Variants in SNX29 observed in about 807,000 individuals in gnomAD.
SNX29 encodes the protein sorting nexin 29, also known as sorting nexin-29.
A neutral mutation model predicts 102.1 loss-of-function variants in SNX29; 78 were observed. The ratio of observed to expected loss-of-function variants is 0.76; its 90% CI spans 0.64 to 0.92. SNX29 has a LOEUF of 0.92. Ranked by LOEUF, SNX29 falls within the 40% of genes least tolerant of loss-of-function variation. The pLI is 0.00. For missense variants in SNX29, 1,280 were observed against 1,061.7 expected, an observed-to-expected ratio of 1.21 and a Z score of -2.86; for synonymous variants, 580 against 414.5, an observed-to-expected ratio of 1.40 and a Z score of -4.85.
chr16:12,317,283 G>A (rs142289133), intron 15 of SNX29, among the ~76,000 whole-genome samples: 12 of 152,262 alleles, frequency 7.9e-5, no homozygotes, highest in African/African-American at 2.9e-4. Context: ...AGGGACCTTC[G>A]CAGGCCCCAG....
intron 20 of SNX29, among the ~76,000 whole-genome samples, chr16:12,565,826 CCCTCCACACCTCTG>C (rs2078979785): frequency 6.6e-6 from 1 of 152,172 alleles, no homozygotes; most frequent in Admixed American, 6.5e-5. Flanking sequence ...CTTCTGGTCA[CCCTCCACACCTCTG>C]CCTCCTCCGG....
chr16:12,380,732 C>A lies in SNX29; in HGVS notation c.1900-17714C>A, dbSNP rs115689360. ...CCATCAATTCCATCCACCCGCCATC[C>A]ATCCATCCATCCACCCACCATCCAT... is the stretch of plus-strand genomic sequence containing the variant. On this transcript the variant is annotated intron_variant, in intron 16 of 20. Coordinates refer to ENST00000566228, the MANE Select transcript of SNX29 (RefSeq NM_032167.5). Among the ~76,000 whole-genome samples, 385 of 67,324 alleles carry A rather than the reference C, an allele frequency of 5.7e-3. 1 individual carries two copies. Among genetic ancestry groups the A allele is most frequent in the Non-Finnish European group, 0.01 (258 of 25,254 alleles). The allele number at this position is 67,324 out of a possible 152,430, so 44.2% of individuals were successfully genotyped here. A position where few individuals can be genotyped will look rare whatever the true frequency, so the allele number is the denominator to read the frequency against.
At chr16:12,522,321 C>T (rs754839239) in intron 19 of SNX29, among the ~76,000 whole-genome samples, 2 of 146,192 alleles carry the variant, frequency 1.4e-5, no homozygotes, top group Admixed American at 6.9e-5. Flanking sequence ...AGTCTGCCAG[C>T]CCTGGCTCAA....
intron 19 of SNX29, among the ~76,000 whole-genome samples, chr16:12,485,754 G>A (rs1199299578): frequency 2.0e-5 from 3 of 152,164 alleles, no homozygotes; most frequent in Non-Finnish European, 4.4e-5. Flanking sequence ...AGTCTTGTAG[G>A]GAGGATGACA....
intron 18 of SNX29, among the ~76,000 whole-genome samples, chr16:12,473,315 T>C (rs554313456): frequency 6.6e-6 from 1 of 152,346 alleles, no homozygotes; most frequent in South Asian, 2.1e-4. Flanking sequence ...TTAATGGCAT[T>C]AGACTAGCTT....
In SNX29 at chr16:12,055,750, ATCTGGT is replaced by A. The variant is rs368843638; in HGVS notation, c.1124+3531_1124+3536del. Among the ~76,000 whole-genome samples the A allele has an allele frequency of 4.2e-3, 644 of 152,314 alleles. 3 individuals are homozygous for A. Among genetic ancestry groups the A allele is most frequent in the African/African-American group, 0.015 (607 of 41,584 alleles). On this transcript the variant is annotated intron_variant, in intron 8 of 20. Transcript: ENST00000566228. ...AAGCCCACCCACATTATGCAGCGTA[ATCTGGT>A]TCACCCAGAATCTACTGATTTAAAT...
rs528798992 is a variant in SNX29 at position 12,306,703 on chromosome 16, C to T, written c.1782+28667C>T. ...AGCACTCCTGCTGCAGCGGCATGGTCTTTGGGGATAATATTCAATATTGCT... is the reference window on the plus strand; with the variant it reads ...AGCACTCCTGCTGCAGCGGCATGGTTTTTGGGGATAATATTCAATATTGCT... On this transcript the variant is annotated intron_variant, in intron 15 of 20. Coordinates refer to ENST00000566228, the MANE Select transcript of SNX29 (RefSeq NM_032167.5). 5.3e-5 allele frequency among the ~76,000 whole-genome samples: 8 copies of T among 152,314 alleles called. No individual in the cohort carries two copies. The East Asian group carries it at 1.5e-3, about 29-fold the overall frequency.
At chr16:12,382,204 A>C (rs2083189891) in intron 16 of SNX29, among the ~76,000 whole-genome samples, 1 of 151,992 alleles carries the variant, frequency 6.6e-6, no homozygotes. Context: ...ACCAAACTCA[A>C]TTTTCATTAC....
At chr16:12,216,520 T>C (rs1310550912) in intron 14 of SNX29, among the ~76,000 whole-genome samples, 1 of 152,218 alleles carries the variant, frequency 6.6e-6, no homozygotes, top group Admixed American at 6.5e-5. Flanking sequence ...TTGATGGGCA[T>C]GCAAGCTGAC....
At chr16:12,210,629 C>T (rs2077158253) in intron 14 of SNX29, among the ~76,000 whole-genome samples, 1 of 152,132 alleles carries the variant, frequency 6.6e-6, no homozygotes. Flanking sequence ...CACCACCTTT[C>T]TGGTCCCCCT....
chr16:12,478,720 C>T (rs1181872114), intron 19 of SNX29, among the ~76,000 whole-genome samples: 1 of 152,200 alleles, frequency 6.6e-6, no homozygotes, highest in Admixed American at 6.6e-5. Flanking sequence ...AGTTCTCTGT[C>T]ATGGCCGTGC....
At chr16:12,159,964 T>C (rs924513884) in intron 13 of SNX29, among the ~76,000 whole-genome samples, 1 of 152,246 alleles carries the variant, frequency 6.6e-6, no homozygotes, top group Non-Finnish European at 1.5e-5. Context: ...ACCAATTTTC[T>C]TTACTGAAAA....
In SNX29 at chr16:12,042,940, C is replaced by G. The variant is rs148440564; in HGVS notation, c.291C>G (p.His97Gln). 13 of 1,613,600 alleles carry G rather than the reference C, an allele frequency of 8.1e-6. No individual in the cohort carries two copies. The highest frequency in any genetic ancestry group is 1.1e-5 in the Non-Finnish European group (13 of 1,179,644). The change falls in exon 5 of 21, where the codon CAC becomes CAG. Residue 97 changes from histidine to glutamine, a missense_variant. By Grantham distance (24) the His-to-Gln change is conservative. Coordinates refer to ENST00000566228, the MANE Select transcript of SNX29 (RefSeq NM_032167.5). ...ACGTGAAGGAGGTCCTCAACAAGCA[C>G]GAGCTGCAGCGCTTCTACTCCCTGC... ...WYYVKEVLNK[H>Q]ELQRFYSLRH...
rs566338888 is a variant in SNX29 at position 12,497,696 on chromosome 16, T to C, written c.2178+19837T>C. Among the ~76,000 whole-genome samples the C allele has an allele frequency of 7.8e-4, 119 of 152,324 alleles. 1 individual carries two copies. Among genetic ancestry groups the C allele is most frequent in the African/African-American group, 2.8e-3 (115 of 41,576 alleles). On this transcript the variant is annotated intron_variant, in intron 19 of 20. Transcript: ENST00000566228. Reference sequence around the variant, plus strand: ...TTTTTCTCTGCCTGCTTTTTCTCAATTGGCTTCCTTCTTAGGCAGCCACCT... The same window carrying C: ...TTTTTCTCTGCCTGCTTTTTCTCAACTGGCTTCCTTCTTAGGCAGCCACCT...
chr16:12,279,766 G>A (rs192711408), intron 15 of SNX29, among the ~76,000 whole-genome samples: 19 of 152,344 alleles, frequency 1.2e-4, no homozygotes, highest in African/African-American at 4.6e-4. Flanking sequence ...GAATTTTTAA[G>A]TTCTCCTGGG....
chr16:12,133,269 T>C (rs567916200), intron 13 of SNX29, among the ~76,000 whole-genome samples: 1 of 150,526 alleles, frequency 6.6e-6, no homozygotes, highest in South Asian at 2.1e-4. Flanking sequence ...TGTTTCTGTT[T>C]CCTTAGTGTG....
chr16:12,099,890 G>A (rs1271058099), intron 11 of SNX29, among the ~76,000 whole-genome samples: 1 of 152,148 alleles, frequency 6.6e-6, no homozygotes, highest in African/African-American at 2.4e-5. Context: ...GCACTCTCCT[G>A]TGAGCGCTAG....
chr16:12,192,612 A>C (rs868835020), intron 13 of SNX29, among the ~76,000 whole-genome samples: 1 of 152,166 alleles, frequency 6.6e-6, no homozygotes, highest in Non-Finnish European at 1.5e-5. Flanking sequence ...CCTGTGCTCA[A>C]GTGATCCTCC....
intron 19 of SNX29, among the ~76,000 whole-genome samples, chr16:12,499,082 C>T (rs1260911043): frequency 3.3e-5 from 5 of 152,126 alleles, no homozygotes. Flanking sequence ...ATTCCTTCCC[C>T]TTATGCCCTC....
Sources: gnomAD v4.1 joint callset for allele counts (sites outside exome capture counted in the v4.1 genomes callset) on GRCh38, gnomAD v4.1.1 for gene constraint, MANE v1.5 for transcripts, NCBI Gene and HGNC (gene_info 2026-07-23, HGNC 2026-07-21) for gene names.